Variants in ERBB4 observed in about 807,000 individuals in gnomAD.
The protein encoded by ERBB4 is erb-b2 receptor tyrosine kinase 4, also known as receptor tyrosine-protein kinase erbB-4.
Under a neutral mutation model 158.0 loss-of-function variants are expected in ERBB4, and 42 were observed. The observed-to-expected ratio is 0.27, with a 90% CI of 0.21 to 0.34. The LOEUF (loss-of-function observed/expected upper bound fraction) is 0.34, where lower values mean the gene tolerates loss of function less well. Among genes scored for constraint, ERBB4 ranks in the 10% least tolerant of loss-of-function variants. ERBB4 has a pLI of 1.00. For missense variants in ERBB4, 1,333 were observed against 1,624.1 expected, an observed-to-expected ratio of 0.82 and a Z score of 3.08; for synonymous variants, 583 against 558.7, an observed-to-expected ratio of 1.04 and a Z score of -0.61.
chr2:212,203,857 T>TA lies in ERBB4; in HGVS notation c.83-78955dup, dbSNP rs570459849. Among the ~76,000 whole-genome samples the TA allele has an allele frequency of 6.1e-3, 923 of 152,008 alleles. 10 individuals carry two copies. The highest frequency in any genetic ancestry group is 0.021 in the African/African-American group (883 of 41,476). ...CTTCCATCCTCCCTGACACTAGGAA[T>TA]AAAAAAAATGAAGATACTCTTTTTA... On this transcript the variant is annotated intron_variant, in intron 1 of 27. Transcript: ENST00000342788.
chr2:212,111,085 T>C (rs1242156682), intron 2 of ERBB4, among the ~76,000 whole-genome samples: 3 of 152,192 alleles, frequency 2.0e-5, no homozygotes, highest in Non-Finnish European at 4.4e-5. Context: ...ATCAGGTATC[T>C]TTGGCAACAA....
At chr2:212,338,941 G>GT (rs1276934913) in intron 1 of ERBB4, among the ~76,000 whole-genome samples, 1 of 152,030 alleles carries the variant, frequency 6.6e-6, no homozygotes, top group Non-Finnish European at 1.5e-5. Context: ...ATTCAACTGG[G>GT]TTTTTTAAAG....
At chr2:212,524,233 T>C (rs17261653) in intron 1 of ERBB4, among the ~76,000 whole-genome samples, 23,850 of 151,906 alleles carry the variant, frequency 0.16, 2,444 homozygotes, top group Non-Finnish European at 0.23. Flanking sequence ...ATTTCTACCA[T>C]AATATTGTAT....
In ERBB4 at chr2:211,624,911, C is replaced by T. The variant is rs550048617; in HGVS notation, c.2080-867G>A. Among the ~76,000 whole-genome samples, 195 of 151,650 alleles carry T rather than the reference C, an allele frequency of 1.3e-3. 2 individuals are homozygous for T. Among genetic ancestry groups the T allele is most frequent in the Admixed American group, 3.6e-3 (55 of 15,234 alleles). On this transcript the variant is annotated intron_variant, in intron 17 of 27. Transcript: ENST00000342788. ...GGGACTGGTCAGAAGGGTGAGAGTA[C>T]GGTGGGAAACCTACATAATCACAGG...
rs546914915 is a variant in ERBB4, at chr2:212,176,648, T to G, written c.83-51745A>C. Among the ~76,000 whole-genome samples the G allele has an allele frequency of 2.9e-4, 44 of 152,104 alleles. No homozygotes were observed. The South Asian group carries it at 6.2e-3, about 22-fold the overall frequency. ...TTTTCACCTACCTAATGCTGATTCA[T>G]CCTTCTGTTTTTACCTTATTTACAC... On this transcript the variant is annotated intron_variant, in intron 1 of 27. Coordinates refer to ENST00000342788, the MANE Select transcript of ERBB4 (RefSeq NM_005235.3).
chr2:211,658,075 C>T, intron 15 of ERBB4: 2 of 1,003,720 alleles, frequency 2.0e-6, no homozygotes, highest in South Asian at 2.7e-5. Context: ...TATTGATTGT[C>T]TCGAATTCTT....
At chr2:211,513,011 G>A (rs1327447116) in intron 20 of ERBB4, among the ~76,000 whole-genome samples, 1 of 151,984 alleles carries the variant, frequency 6.6e-6, no homozygotes, top group African/African-American at 2.4e-5. Context: ...ACAGTATTCT[G>A]ATTTGAGCAG....
intron 14 of ERBB4, among the ~76,000 whole-genome samples, chr2:211,670,047 C>T (rs2071779305): frequency 1.3e-5 from 2 of 152,158 alleles, no homozygotes; most frequent in Admixed American, 1.3e-4. Flanking sequence ...ATCATAAGAT[C>T]AGGAATGGGA....
At chr2:212,460,172 C>G (rs1688499757) in intron 1 of ERBB4, among the ~76,000 whole-genome samples, 2 of 152,214 alleles carry the variant, frequency 1.3e-5, no homozygotes, top group African/African-American at 4.8e-5. Flanking sequence ...GCTCCCCCAG[C>G]ATGTGGAACT....
rs554628437 is a variant in ERBB4, at chr2:211,552,851, G to A, written c.2487+9052C>T. Among the ~76,000 whole-genome samples the A allele has an allele frequency of 1.5e-4, 23 of 152,228 alleles. 1 individual carries two copies. In the South Asian group the frequency reaches 4.8e-3, roughly 32 times the overall value. On this transcript the variant is annotated intron_variant, in intron 20 of 27. Coordinates refer to ENST00000342788, the MANE Select transcript of ERBB4 (RefSeq NM_005235.3). ...TATTAACCTTTTCTAGCTTGAGATT[G>A]AAAAGTTAGAATTTTTTCTTTGCTC... is the stretch of plus-strand genomic sequence containing the variant.
chr2:212,193,637 T>C (rs539396969), intron 1 of ERBB4, among the ~76,000 whole-genome samples: 1 of 152,146 alleles, frequency 6.6e-6, no homozygotes, highest in African/African-American at 2.4e-5. Flanking sequence ...CTAAAGAAAG[T>C]AATCATATTA....
At chr2:212,121,838 T>G (rs1046858162) in intron 2 of ERBB4, among the ~76,000 whole-genome samples, 1 of 152,140 alleles carries the variant, frequency 6.6e-6, no homozygotes, top group Admixed American at 6.5e-5. Flanking sequence ...ACTACTCCCA[T>G]TGAAATGCCC....
At position 212,248,794 on chromosome 2, in the gene ERBB4, G is replaced by GAA. The variant is rs151246848; in HGVS notation, c.83-123893_83-123892dup. Among the ~76,000 whole-genome samples the GAA allele has an allele frequency of 4.8e-5, 7 of 145,890 alleles. 1 individual carries two copies. The highest frequency in any genetic ancestry group is 1.8e-4 in the African/African-American group (7 of 39,788). On this transcript the variant is annotated intron_variant, in intron 1 of 27. Transcript: ENST00000342788. ...TTGGCTGACTGCTGCTGATTCTTAG[G>GAA]AAAAAAAAAACAGGTTTATTGATAC...
intron 1 of ERBB4, among the ~76,000 whole-genome samples, chr2:212,424,140 A>G (rs980439951): frequency 6.6e-6 from 1 of 152,112 alleles, no homozygotes; most frequent in Non-Finnish European, 1.5e-5. Flanking sequence ...CCTTGGGGCT[A>G]ATACAAAGTT....
chr2:211,815,228 A>C (rs549911309), intron 3 of ERBB4, among the ~76,000 whole-genome samples: 2 of 152,364 alleles, frequency 1.3e-5, no homozygotes, highest in Non-Finnish European at 1.5e-5. Flanking sequence ...AATCTACTAG[A>C]ATAATAGCAA....
At chr2:211,739,596 T>C (rs1243316091) in intron 5 of ERBB4, among the ~76,000 whole-genome samples, 1 of 152,180 alleles carries the variant, frequency 6.6e-6, no homozygotes, top group East Asian at 1.9e-4. Flanking sequence ...CCCGAGTAGC[T>C]GGGACTACAG....
intron 2 of ERBB4, among the ~76,000 whole-genome samples, chr2:211,980,306 G>C (rs1309527343): frequency 1.3e-5 from 2 of 152,128 alleles, no homozygotes; most frequent in African/African-American, 4.8e-5. Context: ...GAACTTTTGA[G>C]AGATTCTTGA....
intron 3 of ERBB4, among the ~76,000 whole-genome samples, chr2:211,820,275 T>A (rs1440134785): frequency 6.6e-6 from 1 of 151,834 alleles, no homozygotes; most frequent in African/African-American, 2.4e-5. Flanking sequence ...GCAAGTTGAA[T>A]GAAATAGTGT....
At chr2:211,853,098 G>A (rs2077758993) in intron 3 of ERBB4, among the ~76,000 whole-genome samples, 1 of 151,876 alleles carries the variant, frequency 6.6e-6, no homozygotes, top group Non-Finnish European at 1.5e-5. Context: ...TGCTTCTGAA[G>A]GGGGCATAAA....
Sources: gnomAD v4.1 joint callset for allele counts (sites outside exome capture counted in the v4.1 genomes callset) on GRCh38, gnomAD v4.1.1 for gene constraint, MANE v1.5 for transcripts, NCBI Gene and HGNC (gene_info 2026-07-23, HGNC 2026-07-21) for gene names.